Variants in FKBP5 observed in about 807,000 individuals in gnomAD.
The protein encoded by FKBP5 is peptidyl-prolyl cis-trans isomerase FKBP5.
A neutral mutation model predicts 50.5 loss-of-function variants in FKBP5; 23 were observed. The ratio of observed to expected loss-of-function variants is 0.46; its 90% CI spans 0.33 to 0.65. The LOEUF (loss-of-function observed/expected upper bound fraction) is 0.65, where lower values mean the gene tolerates loss of function less well. FKBP5 is among the 30% of genes least tolerant of loss of function. The pLI, the probability that FKBP5 is intolerant of heterozygous loss-of-function variation, is 0.02. For synonymous variants in FKBP5, 176 were observed against 190.6 expected (o/e 0.92, Z 0.63); for missense variants, 411 against 553.1 (o/e 0.74, Z 2.58).
intron 3 of FKBP5, among the ~76,000 whole-genome samples, chr6:35,628,957 T>A (rs1764075136): frequency 6.6e-6 from 1 of 152,224 alleles, no homozygotes; most frequent in Non-Finnish European, 1.5e-5. Context: ...ACTCAGGTGA[T>A]CTGCCCGCCT....
intron 1 of FKBP5, among the ~76,000 whole-genome samples, chr6:35,655,078 T>G (rs1764912166): frequency 6.6e-6 from 1 of 151,976 alleles, no homozygotes; most frequent in Admixed American, 6.6e-5. Flanking sequence ...TCCCAGCACT[T>G]TGGGAGGCTG....
intron 8 of FKBP5, chr6:35,581,416 G>GCCAACATCGTGAAACC (rs371160630): frequency 6.3e-6 from 1 of 157,804 alleles, no homozygotes; most frequent in Non-Finnish European, 1.4e-5. Flanking sequence ...GACCAGCCTG[G>GCCAACATCGTGAAACC]CCGTCTCTAC....
chr6:35,709,321 G>T (rs923924724), intron 2 of FKBP5, among the ~76,000 whole-genome samples: 1 of 152,008 alleles, frequency 6.6e-6, no homozygotes, highest in Non-Finnish European at 1.5e-5. Context: ...CCTCCTACTG[G>T]GTCCAAACCA....
intron 1 of FKBP5, among the ~76,000 whole-genome samples, chr6:35,648,357 A>C (rs937648899): frequency 4.0e-5 from 6 of 151,892 alleles, no homozygotes; most frequent in Admixed American, 3.3e-4. Flanking sequence ...GCAGCCTTGA[A>C]TTCCTGGGCT....
intron 3 of FKBP5, among the ~76,000 whole-genome samples, chr6:35,634,738 C>A (rs1764258454): frequency 6.6e-6 from 1 of 151,978 alleles, no homozygotes; most frequent in African/African-American, 2.4e-5. Flanking sequence ...AATCTAGGAA[C>A]AAACTACAGT....
At chr6:35,693,353 C>T (rs371879765), upstream of FKBP5, among the ~76,000 whole-genome samples, 6 of 151,360 alleles carry the variant, frequency 4.0e-5, no homozygotes, top group East Asian at 9.7e-4. Context: ...TTAGTAGAGA[C>T]GGGGTTTCAC....
chr6:35,637,301 T>A, intron 2 of FKBP5, 143 bp from the exon 3 acceptor site: 1 of 695,058 alleles, frequency 1.4e-6, no homozygotes, highest in Non-Finnish European at 2.4e-6. Flanking sequence ...CCTCCCTTCA[T>A]TCCTCACAAT....
At position 35,718,762 on chromosome 6, in the gene FKBP5, T is replaced by G. The variant is rs1190474516; in HGVS notation, c.-20+1566A>C. 2.0e-5 allele frequency among the ~76,000 whole-genome samples: 3 copies of G among 152,204 alleles called. No homozygotes were observed. In the East Asian group the frequency reaches 5.8e-4, roughly 29 times the overall value. ...GAAAGAATGAAAAGCATCATGACTC[T>G]TCCTTAGCACTCTACTTTGACAGCC... On this transcript the variant is annotated intron_variant, in intron 2 of 11. Coordinates refer to the FKBP5 transcript ENST00000536438.
intron 1 of FKBP5, among the ~76,000 whole-genome samples, chr6:35,657,209 C>T (rs888635661): frequency 2.6e-5 from 4 of 152,068 alleles, no homozygotes; most frequent in Non-Finnish European, 4.4e-5. Context: ...AGTGAGACTC[C>T]GTCTCAAGTA....
At chr6:35,599,284 G>A (rs1041680877) in intron 5 of FKBP5, among the ~76,000 whole-genome samples, 1 of 151,956 alleles carries the variant, frequency 6.6e-6, no homozygotes, top group Non-Finnish European at 1.5e-5. Context: ...CTATGACCTG[G>A]TAATATCACT....
intron 1 of FKBP5, among the ~76,000 whole-genome samples, chr6:35,643,824 TAA>T (rs1474892976): frequency 6.6e-6 from 1 of 152,222 alleles, no homozygotes; most frequent in Non-Finnish European, 1.5e-5. Flanking sequence ...AAGAGATTCA[TAA>T]GACTATGCGC....
upstream of FKBP5, among the ~76,000 whole-genome samples, chr6:35,693,364 C>T (rs1201041919): frequency 6.6e-6 from 1 of 151,546 alleles, no homozygotes; most frequent in Admixed American, 6.6e-5. Context: ...GGGGTTTCAC[C>T]ATGTTAGCCA....
intron 2 of FKBP5, among the ~76,000 whole-genome samples, chr6:35,702,937 CA>C (rs755581445): frequency 3.3e-5 from 5 of 151,444 alleles, no homozygotes; most frequent in East Asian, 3.9e-4. Flanking sequence ...CGTATTTTAT[CA>C]AAAAAAAGGT....
intron 2 of FKBP5, among the ~76,000 whole-genome samples, chr6:35,718,638 C>A (rs1047922856): frequency 6.6e-6 from 1 of 152,176 alleles, no homozygotes; most frequent in Non-Finnish European, 1.5e-5. Flanking sequence ...CCATAGCAAG[C>A]TAAAATGTGG....
At chr6:35,666,002 T>C (rs1765202759) in intron 1 of FKBP5, among the ~76,000 whole-genome samples, 1 of 152,184 alleles carries the variant, frequency 6.6e-6, no homozygotes, top group Non-Finnish European at 1.5e-5. Flanking sequence ...GTTCAGTAAG[T>C]TAGGTATATT....
At chr6:35,618,976 G>T (rs567796660) in intron 5 of FKBP5, 120 bp downstream of exon 5, 2 of 677,094 alleles carry the variant, frequency 3.0e-6, no homozygotes, top group Non-Finnish European at 5.1e-6. Flanking sequence ...GATTACAGGC[G>T]TGAGTCACTG....
rs543024781 is a variant in FKBP5 at position 35,705,070 on chromosome 6, G to C, written c.-20+15258C>G. 3.6e-3 allele frequency among the ~76,000 whole-genome samples: 546 copies of C among 151,032 alleles called. 4 individuals are homozygous for C. The highest frequency in any genetic ancestry group is 0.013 in the African/African-American group (529 of 41,254). On this transcript the variant is annotated intron_variant, in intron 2 of 11. Coordinates refer to the FKBP5 transcript ENST00000536438. ...GCAAGAGAATGGCGTGAACCTGGGA[G>C]GTGGAGCTTGCAATGAGCTGACATC... is the stretch of plus-strand genomic sequence containing the variant.
At chr6:35,719,048 C>G (rs1766560970) in intron 2 of FKBP5, among the ~76,000 whole-genome samples, 1 of 152,176 alleles carries the variant, frequency 6.6e-6, no homozygotes, top group South Asian at 2.1e-4. Context: ...TTGCCCCCTC[C>G]CAACTCACAG....
intron 4 of FKBP5, 25 bp downstream of exon 4, chr6:35,620,107 A>G: frequency 6.2e-7 from 1 of 1,613,860 alleles, no homozygotes; most frequent in African/African-American, 1.3e-5. Flanking sequence ...AGATGCTGAC[A>G]AGGCAACATC....
Sources: allele counts gnomAD v4.1 joint callset (sites outside exome capture counted in the v4.1 genomes callset), GRCh38; gene constraint gnomAD v4.1.1; transcripts MANE v1.5; gene names NCBI Gene and HGNC (gene_info 2026-07-23, HGNC 2026-07-21).